The following GPC5 variants were observed in gnomAD, a reference collection of about 807,000 sequenced individuals.
The protein encoded by GPC5 is glypican 5, also known as glypican-5.
Under a neutral mutation model 53.9 loss-of-function variants are expected in GPC5, and 47 were observed. That is an observed-to-expected ratio of 0.87 (90% CI 0.69 to 1.11). GPC5 has a LOEUF of 1.11. Among genes scored for constraint, GPC5 ranks in the 50% most tolerant of loss-of-function variants. The pLI, the probability that GPC5 is intolerant of heterozygous loss-of-function variation, is 0.00. For synonymous variants in GPC5, 286 were observed against 263.3 expected, an observed-to-expected ratio of 1.09 and a Z score of -0.84; for missense variants, 748 against 713.1, an observed-to-expected ratio of 1.05 and a Z score of -0.56.
At chr13:91,672,402 AC>A (rs1302357524) in intron 2 of GPC5, among the ~76,000 whole-genome samples, 2 of 152,164 alleles carry the variant, frequency 1.3e-5, no homozygotes, top group African/African-American at 4.8e-5. Flanking sequence ...GAAGAAAGCA[AC>A]CCCATCAAAA....
intron 7 of GPC5, among the ~76,000 whole-genome samples, chr13:92,544,982 A>T (rs1216741749): frequency 6.6e-6 from 1 of 151,916 alleles, no homozygotes; most frequent in African/African-American, 2.4e-5. Context: ...GGTTTGTTAC[A>T]TATGTATACA....
intron 2 of GPC5, among the ~76,000 whole-genome samples, chr13:91,450,735 A>G (rs955352408): frequency 6.6e-5 from 10 of 152,142 alleles, no homozygotes; most frequent in African/African-American, 2.4e-4. Flanking sequence ...CTATTTAAAA[A>G]TTAATTATAA....
At chr13:92,037,008 G>A (rs1442989383) in intron 6 of GPC5, among the ~76,000 whole-genome samples, 1 of 151,926 alleles carries the variant, frequency 6.6e-6, no homozygotes, top group African/African-American at 2.4e-5. Context: ...CAGTCAAAAT[G>A]GTATTTTTTA....
intron 7 of GPC5, among the ~76,000 whole-genome samples, chr13:92,413,329 G>A (rs1876132985): frequency 6.6e-6 from 1 of 152,112 alleles, no homozygotes; most frequent in Non-Finnish European, 1.5e-5. Flanking sequence ...CAGCAATTTG[G>A]GTTGAAACAG....
In GPC5 at chr13:92,597,545, G is replaced by A. The variant is rs189145968; in HGVS notation, c.1562-268737G>A. Among the ~76,000 whole-genome samples, 18 of 152,166 alleles carry A rather than the reference G, an allele frequency of 1.2e-4. No homozygotes were observed. In the East Asian group the frequency reaches 3.1e-3, roughly 26 times the overall value. ...ACTGAGTGCTTCTGGGTGGTGCGTG[G>A]AGGAATCAGAATCAGGCTCTCCCCC... On this transcript the variant is annotated intron_variant, in intron 7 of 7. Transcript: ENST00000377067.
intron 7 of GPC5, among the ~76,000 whole-genome samples, chr13:92,368,914 A>AT (rs954532520): frequency 7.9e-5 from 12 of 152,068 alleles, no homozygotes; most frequent in African/African-American, 2.7e-4. Context: ...TTCTGTTACC[A>AT]TTTTTTAAGT....
At chr13:92,498,175 G>A (rs9556187) in intron 7 of GPC5, among the ~76,000 whole-genome samples, 48,558 of 151,838 alleles carry the variant, frequency 0.32, 8,866 homozygotes, top group East Asian at 0.68. Flanking sequence ...GGCCAAGTGG[G>A]TGACCTGAAA....
At chr13:92,145,489 A>G (rs773595153) in intron 7 of GPC5, among the ~76,000 whole-genome samples, 35 of 152,270 alleles carry the variant, frequency 2.3e-4, no homozygotes, top group Non-Finnish European at 4.1e-4. Flanking sequence ...TTCCAAAAAA[A>G]AAAACTCACT....
intron 2 of GPC5, among the ~76,000 whole-genome samples, chr13:91,490,600 T>C (rs1286059393): frequency 6.6e-6 from 1 of 152,210 alleles, no homozygotes; most frequent in Non-Finnish European, 1.5e-5. Flanking sequence ...TGACTGCTGG[T>C]GTTATGACCC....
intron 2 of GPC5, among the ~76,000 whole-genome samples, chr13:91,450,144 G>A (rs979997395): frequency 2.6e-5 from 4 of 152,082 alleles, no homozygotes; most frequent in Admixed American, 2.0e-4. Context: ...TGTAGAAAGC[G>A]TGAAATGTCA....
chr13:91,432,384 C>T (rs13378852), intron 1 of GPC5, among the ~76,000 whole-genome samples: 18,338 of 152,096 alleles, frequency 0.12, 1,988 homozygotes, highest in African/African-American at 0.29. Flanking sequence ...ACACAGAAAA[C>T]ATCCTTTCAT....
At chr13:91,766,706 C>G (rs2037531864) in intron 5 of GPC5, among the ~76,000 whole-genome samples, 1 of 152,016 alleles carries the variant, frequency 6.6e-6, no homozygotes, top group African/African-American at 2.4e-5. Flanking sequence ...ACTAAAAATA[C>G]AAAATTAACT....
intron 2 of GPC5, among the ~76,000 whole-genome samples, chr13:91,495,082 A>C (rs1884174007): frequency 6.6e-6 from 1 of 152,206 alleles, no homozygotes; most frequent in Non-Finnish European, 1.5e-5. Flanking sequence ...AACTTGCTTC[A>C]CTGAAAATCT....
intron 7 of GPC5, among the ~76,000 whole-genome samples, chr13:92,471,411 A>C (rs962554201): frequency 6.6e-6 from 1 of 152,030 alleles, no homozygotes; most frequent in Admixed American, 6.6e-5. Flanking sequence ...TCTGCACACC[A>C]GGAAAGAAAG....
At chr13:91,634,458 T>A (rs547864366) in intron 2 of GPC5, among the ~76,000 whole-genome samples, 1 of 152,166 alleles carries the variant, frequency 6.6e-6, no homozygotes, top group East Asian at 1.9e-4. Flanking sequence ...ATAATCTTGA[T>A]GTAAGTTGAG....
At chr13:92,765,849 T>C (rs1447607463) in intron 7 of GPC5, among the ~76,000 whole-genome samples, 1 of 152,016 alleles carries the variant, frequency 6.6e-6, no homozygotes. Flanking sequence ...ATCAAGGATA[T>C]TATATAGGTA....
chr13:92,728,518 T>C (rs1040884600), intron 7 of GPC5, among the ~76,000 whole-genome samples: 5 of 151,338 alleles, frequency 3.3e-5, no homozygotes, highest in African/African-American at 9.7e-5. Context: ...TCAGAACGCA[T>C]CCAACATGAA....
intron 7 of GPC5, among the ~76,000 whole-genome samples, chr13:92,600,520 G>T (rs983041969): frequency 6.6e-6 from 1 of 150,974 alleles, no homozygotes; most frequent in Non-Finnish European, 1.5e-5. Flanking sequence ...TCTTTAAGAC[G>T]GAATTTCGCT....
chr13:91,974,126 C>G (rs972582392), intron 6 of GPC5, among the ~76,000 whole-genome samples: 2 of 152,152 alleles, frequency 1.3e-5, no homozygotes, highest in Non-Finnish European at 2.9e-5. Context: ...CTGTGGTGGG[C>G]TCAGAGCTAT....
Sources: allele counts gnomAD v4.1 joint callset (sites outside exome capture counted in the v4.1 genomes callset), GRCh38; gene constraint gnomAD v4.1.1; transcripts MANE v1.5; gene names NCBI Gene and HGNC (gene_info 2026-07-23, HGNC 2026-07-21).